The following ELK1 variants were observed in gnomAD, a reference collection of about 807,000 sequenced individuals.
ELK1 encodes ETS transcription factor ELK1, also known as ETS domain-containing protein Elk-1.
For synonymous variants in ELK1, 163 were observed against 176.3 expected (o/e 0.92, Z 0.60); for missense variants, 254 against 381.5 (o/e 0.67, Z 2.78).
At chrX:47,649,721 G>C (rs1434394713) in intron 2 of ELK1, among the ~76,000 whole-genome samples, 200 bp downstream of exon 2, 2 of 108,577 alleles carry the variant, frequency 1.8e-5, no homozygotes, top group Non-Finnish European at 3.8e-5. Flanking sequence ...AGAACCCCAA[G>C]CGCTAGAGCG....
intron 4 of ELK1, 140 bp from the exon 5 acceptor site, chrX:47,638,322 A>G (rs1376337529): frequency 2.6e-6 from 2 of 775,184 alleles, no homozygotes; most frequent in Admixed American, 5.8e-5. Context: ...AAGTCCTCCA[A>G]CAGGACATAG....
intron 2 of ELK1, among the ~76,000 whole-genome samples, chrX:47,644,441 C>T (rs2058037342): frequency 9.0e-6 from 1 of 111,325 alleles, no homozygotes; most frequent in Non-Finnish European, 1.9e-5. Flanking sequence ...TCCAGAGGAG[C>T]TCACATCTTA....
chrX:47,649,764 G>A, intron 2 of ELK1, among the ~76,000 whole-genome samples, 157 bp downstream of exon 2: 1 of 99,057 alleles, frequency 1.0e-5, no homozygotes, highest in Non-Finnish European at 2.0e-5. Flanking sequence ...CAGGGCAATG[G>A]ACTGATAGCT....
intron 2 of ELK1, among the ~76,000 whole-genome samples, chrX:47,642,509 C>G (rs1329295377): frequency 9.0e-6 from 1 of 110,719 alleles, no homozygotes; most frequent in Non-Finnish European, 1.9e-5. Context: ...CCCAAAGGTC[C>G]TTTCCTTTAT....
At chrX:47,648,321 T>C (rs972379865) in intron 2 of ELK1, among the ~76,000 whole-genome samples, 8 of 112,054 alleles carry the variant, frequency 7.1e-5, no homozygotes, top group Non-Finnish European at 1.3e-4. Context: ...CAGTCCTTAT[T>C]CACATATACA....
intron 2 of ELK1, among the ~76,000 whole-genome samples, chrX:47,646,099 A>C (rs2147944966): frequency 9.0e-6 from 1 of 111,162 alleles, no homozygotes. Flanking sequence ...TCTGTAAAAG[A>C]CTTGAGGGGT....
At chrX:47,641,203 G>C (rs191335854) in intron 3 of ELK1, 29 bp downstream of exon 3, 76 of 1,195,760 alleles carry the variant, frequency 6.4e-5, no homozygotes, top group Admixed American at 2.8e-4. Flanking sequence ...GTCAGGGGGG[G>C]GTTCCAGCCC....
chrX:47,647,317 C>A (rs1346227643), intron 2 of ELK1, among the ~76,000 whole-genome samples: 1 of 110,345 alleles, frequency 9.1e-6, no homozygotes, highest in East Asian at 2.9e-4. Flanking sequence ...CACGCCGCCA[C>A]ACCCAGCTAA....
chrX:47,635,625 A>G lies in ELK1; in HGVS notation c.*1204T>C, dbSNP rs2058004794. On this transcript the variant is annotated 3_prime_UTR_variant, in exon 7 of 7. Transcript: ENST00000376983. ...GGAAGTAAAACAAACAGTGGAGACGAGTGTAGCACTGTCCCCCAAATCACC... is the reference window on the plus strand; with the variant it reads ...GGAAGTAAAACAAACAGTGGAGACGGGTGTAGCACTGTCCCCCAAATCACC... 2.7e-5 allele frequency: 3 copies of G among 111,658 alleles called. No homozygotes were observed. The Admixed American group carries it at 2.8e-4, about 11-fold the overall frequency. 9.2% of individuals were successfully genotyped at this position (111,658 alleles called of 1,213,427 possible).
At chrX:47,640,573 G>C (rs1203426082) in intron 3 of ELK1, among the ~76,000 whole-genome samples, 1 of 111,527 alleles carries the variant, frequency 9.0e-6, no homozygotes, top group Non-Finnish European at 1.9e-5. Context: ...AATTTTAGCT[G>C]TAGGAATAAG....
At chrX:47,644,972 C>T (rs1227026233) in intron 2 of ELK1, among the ~76,000 whole-genome samples, 1 of 111,218 alleles carries the variant, frequency 9.0e-6, no homozygotes, top group Non-Finnish European at 1.9e-5. Flanking sequence ...ATGGTGGTAG[C>T]AGTGGGGCTG....
At chrX:47,645,505 C>G (rs2058040809) in intron 2 of ELK1, among the ~76,000 whole-genome samples, 1 of 111,956 alleles carries the variant, frequency 8.9e-6, no homozygotes, top group Non-Finnish European at 1.9e-5. Context: ...TGAAGAGAAA[C>G]AGAGAAGGGT....
chrX:47,646,859 A>G (rs1023428270), intron 2 of ELK1, among the ~76,000 whole-genome samples: 1 of 110,773 alleles, frequency 9.0e-6, no homozygotes. Flanking sequence ...CCTTCCCCGC[A>G]CTCTGCTCCA....
intron 5 of ELK1, 26 bp downstream of exon 5, chrX:47,637,725 C>T (rs1008259950): frequency 1.7e-6 from 2 of 1,164,183 alleles, no homozygotes; most frequent in Non-Finnish European, 2.3e-6. Context: ...GGCGCCCACA[C>T]ACCCCACCCC....
intron 2 of ELK1, among the ~76,000 whole-genome samples, chrX:47,646,292 A>G (rs1310924389): frequency 8.9e-6 from 1 of 111,785 alleles, no homozygotes; most frequent in Non-Finnish European, 1.9e-5. Flanking sequence ...TGCCTTTAGG[A>G]GAGTGTATTA....
intron 2 of ELK1, among the ~76,000 whole-genome samples, chrX:47,647,024 T>C (rs1332797307): frequency 1.8e-5 from 2 of 111,899 alleles, no homozygotes; most frequent in East Asian, 5.6e-4. Context: ...AGAGTCACCT[T>C]CCCTATGCCT....
intron 3 of ELK1, 105 bp from the exon 4 acceptor site, chrX:47,639,443 G>T: frequency 1.4e-6 from 1 of 725,058 alleles, no homozygotes; most frequent in Non-Finnish European, 2.1e-6. Flanking sequence ...TCTTCTCCTA[G>T]TGGCTTTCTT....
In ELK1 at chrX:47,637,943, G is replaced by A. The variant is rs2058015005; in HGVS notation, c.894C>T (p.Gly298=). The A allele has an allele frequency of 5.0e-6, 6 of 1,204,031 alleles. No individual in the cohort carries two copies. Among genetic ancestry groups the A allele is most frequent in the Non-Finnish European group, 6.7e-6 (6 of 892,399 alleles). ...AVVMDTAGQA[G]GHAASSPEIS... is the part of the protein sequence containing the mutation. ...TCTCAGGGCTGGAAGCCGCATGGCC[G>A]CCCGCCTGCCCTGCGGTGTCCATAA... is the stretch of plus-strand genomic sequence containing the variant. The change falls in exon 5 of 7, where the codon GGC becomes GGT. Residue 298 remains glycine (G), a synonymous_variant. Coordinates refer to ENST00000376983, the MANE Select transcript of ELK1 (RefSeq NM_001114123.3).
chrX:47,636,573 C>G lies in ELK1; in HGVS notation c.*256G>C. On this transcript the variant is annotated 3_prime_UTR_variant, in exon 7 of 7. Transcript: ENST00000376983. ...CAAAAAATAAATAAATAAACCGCCC[C>G]TACCATTGAAGTAGGAGACGTGTAA... is the stretch of plus-strand genomic sequence containing the variant. The G allele has an allele frequency of 3.1e-6, 1 of 321,181 alleles. No homozygotes were observed. The highest frequency in any genetic ancestry group is 5.4e-6 in the Non-Finnish European group (1 of 184,526). 26.5% of individuals were successfully genotyped at this position (321,181 alleles called of 1,213,427 possible). A position where few individuals can be genotyped will look rare whatever the true frequency, so the allele number is the denominator to read the frequency against.
Sources: allele counts gnomAD v4.1 joint callset (sites outside exome capture counted in the v4.1 genomes callset), GRCh38; gene constraint gnomAD v4.1.1; transcripts MANE v1.5; gene names NCBI Gene and HGNC (gene_info 2026-07-23, HGNC 2026-07-21).